The following CUX2 variants were observed in gnomAD, a reference collection of about 807,000 sequenced individuals.
CUX2 encodes cut like homeobox 2.
A neutral mutation model predicts 144.8 loss-of-function variants in CUX2; 40 were observed. The observed-to-expected ratio is 0.28, with a 90% confidence interval of 0.21 to 0.36. The LOEUF (loss-of-function observed/expected upper bound fraction) is 0.36. Ranked by LOEUF, CUX2 falls within the 10% of genes least tolerant of loss-of-function variation. The pLI is 1.00. For synonymous variants in CUX2, 827 were observed against 875.6 expected (o/e 0.94, Z 0.98); for missense variants, 1,615 against 1,994.0 (o/e 0.81, Z 3.62).
At position 111,077,350 on chromosome 12, in the gene CUX2, C is replaced by T. The variant is rs1000157675; in HGVS notation, c.63+43110C>T. Among the ~76,000 whole-genome samples, 9 of 152,104 alleles carry T rather than the reference C, an allele frequency of 5.9e-5. No individual in the cohort carries two copies. Among genetic ancestry groups the T allele is most frequent in the East Asian group, 1.9e-4 (1 of 5,166 alleles). On this transcript the variant is annotated intron_variant, in intron 1 of 21. Transcript: ENST00000261726. This position sits in a 1 kb window ranked among gnomAD's most constrained non-coding sequence, Gnocchi z 4.1. ...ATTCACAGACATGACTCCCAGACCC[C>T]GAGTGTCTTGAACCCTAGCCTCTGG...
Position 111,121,910 on chromosome 12 carries a change from T to C in CUX2, c.63+87670T>C, listed in dbSNP as rs141605335. Among the ~76,000 whole-genome samples the C allele has an allele frequency of 7.2e-5, 11 of 152,054 alleles. No individual in the cohort carries two copies. In the East Asian group the frequency reaches 2.1e-3, roughly 30 times the overall value. Reference sequence around the variant, plus strand: ...GAGCCCCTTCCACCGAGACCTAAAATACATGTGCTATTTCCAGGTGCTACG... The same window carrying C: ...GAGCCCCTTCCACCGAGACCTAAAACACATGTGCTATTTCCAGGTGCTACG... On this transcript the variant is annotated intron_variant, in intron 1 of 21. Coordinates refer to ENST00000261726, the MANE Select transcript of CUX2 (RefSeq NM_015267.4).
At chr12:111,311,950 G>A in intron 15 of CUX2, 150 bp from the exon 16 acceptor site, 1 of 561,946 alleles carries the variant, frequency 1.8e-6, no homozygotes. Context: ...CCCACAGTTT[G>A]TTACATAGAC....
At chr12:111,108,419 C>T (rs73413556) in intron 1 of CUX2, among the ~76,000 whole-genome samples, 3,588 of 152,258 alleles carry the variant, frequency 0.024, 130 homozygotes, top group African/African-American at 0.08. Flanking sequence ...TAGCATGCAT[C>T]GATGCTTCTT....
chr12:111,122,526 G>A (rs1185201513), intron 1 of CUX2, among the ~76,000 whole-genome samples: 5 of 152,138 alleles, frequency 3.3e-5, no homozygotes, highest in African/African-American at 9.7e-5. Flanking sequence ...TTCCCTCTCC[G>A]AGTGCCTTAA....
rs1461751066 is a variant in CUX2 at position 111,034,975 on chromosome 12, C to CG, written c.63+736dup. On this transcript the variant is annotated intron_variant, in intron 1 of 21. Transcript: ENST00000261726. The surrounding 1 kb of genome is among the most constrained non-coding windows in gnomAD (Gnocchi z 4.2). ...GTCTTGCTTCTTGCCTTTACCCCCC[C>CG]GCCCCTTCCATCCCCTTCCCAAGTC... Among the ~76,000 whole-genome samples, 2 of 152,106 alleles carry CG rather than the reference C, an allele frequency of 1.3e-5. No individual in the cohort carries two copies. The highest frequency in any genetic ancestry group is 4.8e-5 in the African/African-American group (2 of 41,450).
chr12:111,124,647 C>T lies in CUX2; in HGVS notation c.64-89553C>T, dbSNP rs141402286. 5.0e-3 allele frequency among the ~76,000 whole-genome samples: 763 copies of T among 151,804 alleles called. 10 individuals are homozygous for T. Among genetic ancestry groups the T allele is most frequent in the African/African-American group, 0.017 (686 of 41,404 alleles). The stretch of plus-strand genomic sequence containing the variant: ...GAGTTCTTTTTTTCTTTTTCTTTTT[C>T]GACTTTTATTTTAGATTCAGGGGGT... On this transcript the variant is annotated intron_variant, in intron 1 of 21. Transcript: ENST00000261726.
At chr12:111,109,669 C>T (rs1873819131) in intron 1 of CUX2, among the ~76,000 whole-genome samples, 1 of 152,296 alleles carries the variant, frequency 6.6e-6, no homozygotes, top group African/African-American at 2.4e-5. Context: ...ATGTACAAAA[C>T]ATCTGTTATC....
intron 18 of CUX2, among the ~76,000 whole-genome samples, chr12:111,325,005 GC>G (rs1346667881): frequency 6.6e-6 from 1 of 151,370 alleles, no homozygotes; most frequent in African/African-American, 2.4e-5. Context: ...AGCCATGCTG[GC>G]CGGGTGGGGT....
In CUX2 at chr12:111,326,419, G is replaced by A. The variant is rs138605039; in HGVS notation, c.2926+3839G>A. Among the ~76,000 whole-genome samples, 1,182 of 134,870 alleles carry A rather than the reference G, an allele frequency of 8.8e-3. 5 individuals are homozygous for A. The highest frequency in any genetic ancestry group is 0.029 in the East Asian group (114 of 3,976). The allele number at this position is 134,870 out of a possible 152,430, so 88.5% of individuals were successfully genotyped here. On this transcript the variant is annotated intron_variant, in intron 18 of 21. Transcript: ENST00000261726. ...GTTTTGTTTATAGTGTTGTGTTGGG[G>A]GAGGGGTGGGTTTTGTTTATAGTCT...
At chr12:111,276,047 T>C (rs546435578) in intron 4 of CUX2, among the ~76,000 whole-genome samples, 94 of 152,288 alleles carry the variant, frequency 6.2e-4, no homozygotes, top group African/African-American at 2.2e-3. Context: ...CTTTAAAATA[T>C]ATATATTTTT....
chr12:111,317,515 A>T (rs1015220448), intron 16 of CUX2, among the ~76,000 whole-genome samples: 4 of 152,158 alleles, frequency 2.6e-5, no homozygotes, highest in African/African-American at 9.7e-5. Flanking sequence ...CCAACCCAAG[A>T]TTTAGAAAAT....
chr12:111,325,636 G>A (rs1331370523), intron 18 of CUX2, among the ~76,000 whole-genome samples: 3 of 141,078 alleles, frequency 2.1e-5, no homozygotes, highest in Admixed American at 7.3e-5. Context: ...GTGGGGAGGG[G>A]TGGGTTTTGT....
At chr12:111,130,589 T>A (rs1328742888) in intron 1 of CUX2, among the ~76,000 whole-genome samples, 3 of 152,254 alleles carry the variant, frequency 2.0e-5, no homozygotes, top group African/African-American at 7.2e-5. Flanking sequence ...TCAAGGATGA[T>A]GGGGCTCCCC....
chr12:111,154,507 C>T (rs886068060), intron 1 of CUX2, among the ~76,000 whole-genome samples: 10 of 152,222 alleles, frequency 6.6e-5, no homozygotes, highest in South Asian at 4.2e-4. Flanking sequence ...GTAACCTTGA[C>T]GTGGAAGAAT....
In CUX2 at chr12:111,322,992, C is replaced by T. The variant is rs1320716311; in HGVS notation, c.2926+412C>T. Reference sequence around the variant, plus strand: ...CTTAGCACAGGGCCTTGGGCAGTGCCACCCAGCTGCCCATGATAGCACGAG... The same window carrying T: ...CTTAGCACAGGGCCTTGGGCAGTGCTACCCAGCTGCCCATGATAGCACGAG... On this transcript the variant is annotated intron_variant, in intron 18 of 21. Coordinates refer to ENST00000261726, the MANE Select transcript of CUX2 (RefSeq NM_015267.4). The surrounding 1 kb of genome is among the most constrained non-coding windows in gnomAD (Gnocchi z 4.2). 6.6e-6 allele frequency among the ~76,000 whole-genome samples: 1 copy of T among 152,228 alleles called. No individual in the cohort carries two copies. The highest frequency in any genetic ancestry group is 2.4e-5 in the African/African-American group (1 of 41,466).
At chr12:111,216,859 T>C (rs1350919829) in intron 2 of CUX2, among the ~76,000 whole-genome samples, 2 of 152,154 alleles carry the variant, frequency 1.3e-5, no homozygotes, top group African/African-American at 4.8e-5. Flanking sequence ...ATTTGCATAA[T>C]GAAGGGGTTT....
rs144411765 is a variant in CUX2 at position 111,138,854 on chromosome 12, T to C, written c.64-75346T>C. On this transcript the variant is annotated intron_variant, in intron 1 of 21. Transcript: ENST00000261726. The stretch of plus-strand genomic sequence containing the variant: ...CTTCCCTCAAGTTGGGACTGCACTA[T>C]GGTACCATTCACCCCACACAGCTCC... Among the ~76,000 whole-genome samples, 1,515 of 152,112 alleles carry C rather than the reference T, an allele frequency of 1.0e-2. 14 individuals carry two copies. Among genetic ancestry groups the C allele is most frequent in the Non-Finnish European group, 0.016 (1,116 of 67,992 alleles).
intron 16 of CUX2, among the ~76,000 whole-genome samples, chr12:111,317,657 A>G (rs945426014): frequency 1.3e-5 from 2 of 152,178 alleles, no homozygotes; most frequent in African/African-American, 2.4e-5. Context: ...GTTTTTCACT[A>G]AATCATATAG....
chr12:111,260,953 A>G (rs770870046), intron 3 of CUX2, among the ~76,000 whole-genome samples: 2 of 152,156 alleles, frequency 1.3e-5, no homozygotes, highest in African/African-American at 2.4e-5. Flanking sequence ...CATGAGATGA[A>G]TTGCTTTTGT....
Sources: gnomAD v4.1 joint callset for allele counts (sites outside exome capture counted in the v4.1 genomes callset) on GRCh38, gnomAD v4.1.1 for gene constraint, Gnocchi (gnomAD v3.1) non-coding constraint, MANE v1.5 for transcripts, NCBI Gene and HGNC (gene_info 2026-07-23, HGNC 2026-07-21) for gene names.